Variants in ZNF148 observed in about 807,000 individuals in gnomAD.
ZNF148 encodes the protein Beta-Enolase Repressor Factor-1.
A neutral mutation model predicts 67.7 loss-of-function variants in ZNF148; 7 were observed. The observed-to-expected ratio is 0.10, with a 90% CI of 0.06 to 0.19. The LOEUF is 0.19. ZNF148 is among the 10% of genes least tolerant of loss of function. ZNF148 has a pLI of 1.00. For synonymous variants in ZNF148, 333 were observed against 330.7 expected (o/e 1.01, Z -0.08); for missense variants, 583 against 947.1 (o/e 0.62, Z 5.05).
At chr3:125,234,811 A>ATACTCTAATTTAAT (rs1456573264) in intron 7 of ZNF148, among the ~76,000 whole-genome samples, 28 of 152,162 alleles carry the variant, frequency 1.8e-4, no homozygotes. Flanking sequence ...ATAAAATACA[A>ATACTCTAATTTAAT]AAAGAACTTA....
At chr3:125,358,048 A>G (rs550560444) in intron 1 of ZNF148, among the ~76,000 whole-genome samples, 1 of 152,370 alleles carries the variant, frequency 6.6e-6, no homozygotes, top group East Asian at 1.9e-4. Context: ...GCGGGGACTC[A>G]GGCCTGTAAT....
intron 1 of ZNF148, among the ~76,000 whole-genome samples, chr3:125,361,832 CA>C (rs11383689): frequency 1.9e-4 from 28 of 146,960 alleles, no homozygotes; most frequent in Admixed American, 3.4e-4. Flanking sequence ...GACCCTGTCT[CA>C]AAAAAAAAAA....
chr3:125,344,056 C>A (rs565353000), intron 1 of ZNF148: 7 of 179,348 alleles, frequency 3.9e-5, no homozygotes, highest in Non-Finnish European at 8.2e-5. Flanking sequence ...TTTAACAGTT[C>A]TGTTAAATGC....
At chr3:125,310,015 A>G (rs1004601659) in intron 4 of ZNF148, among the ~76,000 whole-genome samples, 3 of 152,194 alleles carry the variant, frequency 2.0e-5, no homozygotes, top group Non-Finnish European at 4.4e-5. Context: ...TAGCTAGAAA[A>G]TATCTCAAAA....
chr3:125,359,487 C>T (rs1343738796), intron 1 of ZNF148, among the ~76,000 whole-genome samples: 1 of 152,168 alleles, frequency 6.6e-6, no homozygotes, highest in East Asian at 1.9e-4. Context: ...CCCAGCACTT[C>T]AGGATTATTA....
intron 1 of ZNF148, chr3:125,344,520 T>G: frequency 8.8e-7 from 1 of 1,136,046 alleles, no homozygotes; most frequent in Non-Finnish European, 1.3e-6. Flanking sequence ...GGTTACAAAA[T>G]GTGAAGCCAA....
At chr3:125,355,994 C>G (rs559618273) in intron 1 of ZNF148, among the ~76,000 whole-genome samples, 9 of 152,222 alleles carry the variant, frequency 5.9e-5, no homozygotes, top group African/African-American at 1.4e-4. Flanking sequence ...TAAAAGTGCT[C>G]AAGTTACTTA....
intron 2 of ZNF148, among the ~76,000 whole-genome samples, chr3:125,329,226 A>C (rs1237448658): frequency 6.7e-6 from 1 of 148,946 alleles, no homozygotes; most frequent in Non-Finnish European, 1.5e-5. Context: ...CTGTAGTATA[A>C]ATATATGTAT....
intron 1 of ZNF148, among the ~76,000 whole-genome samples, chr3:125,334,593 C>T (rs982513105): frequency 5.9e-5 from 9 of 152,098 alleles, no homozygotes; most frequent in Non-Finnish European, 1.3e-4. Flanking sequence ...TCCTAGGACA[C>T]TACAGGTATT....
In ZNF148 at chr3:125,362,476, C is replaced by CA. The variant is rs1273966276; in HGVS notation, c.-234+12625dup. 1.2e-3 allele frequency among the ~76,000 whole-genome samples: 180 copies of CA among 149,344 alleles called. 3 individuals carry two copies. In the East Asian group the frequency reaches 0.022, roughly 19 times the overall value. ...CTCTGAACTGCTCTCTTGAAGACCA[C>CA]AAAAAAAAACAAAAACTAAAAAATC... On this transcript the variant is annotated intron_variant, in intron 1 of 8. Coordinates refer to ENST00000360647, the MANE Select transcript of ZNF148 (RefSeq NM_021964.3).
intron 1 of ZNF148, among the ~76,000 whole-genome samples, chr3:125,355,001 G>T (rs1041986208): frequency 1.3e-5 from 2 of 152,184 alleles, no homozygotes; most frequent in African/African-American, 4.8e-5. Flanking sequence ...AAGAAGTAGA[G>T]GTAATAAGAG....
Position 125,343,473 on chromosome 3 carries a change from TAA to T in ZNF148, c.-233-12237_-233-12236del, listed in dbSNP as rs57166728. On this transcript the variant is annotated intron_variant, in intron 1 of 8. Transcript: ENST00000360647. ...GTAAAATGCACCAATCAGCGCTCTG[TAA>T]AAACTCACCAATGAGCACTCTGTAG... 6.5e-4 allele frequency among the ~76,000 whole-genome samples: 8 copies of T among 12,326 alleles called. No homozygotes were observed. The South Asian group carries it at 0.011, about 17-fold the overall frequency. The allele number at this position is 12,326 out of a possible 152,430, so 8.1% of individuals were successfully genotyped here.
At chr3:125,360,124 G>T (rs1461803031) in intron 1 of ZNF148, among the ~76,000 whole-genome samples, 1 of 152,110 alleles carries the variant, frequency 6.6e-6, no homozygotes, top group Non-Finnish European at 1.5e-5. Context: ...TTTCTCTGCT[G>T]CAAGCTACTC....
intron 5 of ZNF148, 44 bp from the exon 6 acceptor site, chr3:125,279,291 T>A (rs1298690286): frequency 1.4e-6 from 2 of 1,432,176 alleles, no homozygotes; most frequent in East Asian, 4.8e-5. Flanking sequence ...AATAAGTTTT[T>A]AAAATGTAAT....
intron 5 of ZNF148, among the ~76,000 whole-genome samples, chr3:125,285,160 G>T (rs1344457522): frequency 1.3e-5 from 2 of 152,148 alleles, no homozygotes; most frequent in African/African-American, 4.8e-5. Flanking sequence ...ACAATGGCAA[G>T]ATTTTAAGAT....
At chr3:125,334,012 T>G (rs1019372564) in intron 1 of ZNF148, among the ~76,000 whole-genome samples, 1 of 152,212 alleles carries the variant, frequency 6.6e-6, no homozygotes, top group African/African-American at 2.4e-5. Flanking sequence ...TACACAATAA[T>G]ATACATAAAG....
chr3:125,343,586 T>A (rs919448526), intron 1 of ZNF148, among the ~76,000 whole-genome samples: 1 of 151,756 alleles, frequency 6.6e-6, no homozygotes, highest in African/African-American at 2.4e-5. Flanking sequence ...ATCAGCAGAA[T>A]CCTAAAAGCA....
At chr3:125,247,895 T>C (rs12490924) in intron 7 of ZNF148, among the ~76,000 whole-genome samples, 8 of 152,268 alleles carry the variant, frequency 5.3e-5, no homozygotes, top group Admixed American at 2.6e-4. Flanking sequence ...CTAGGAAGTA[T>C]ACATGAAAAA....
intron 1 of ZNF148, among the ~76,000 whole-genome samples, chr3:125,360,008 T>C (rs1942487402): frequency 6.6e-6 from 1 of 152,224 alleles, no homozygotes; most frequent in African/African-American, 2.4e-5. Flanking sequence ...AAGGGCTCCC[T>C]ACTTCCCAGT....
Sources: gnomAD v4.1 joint callset for allele counts (sites outside exome capture counted in the v4.1 genomes callset) on GRCh38, gnomAD v4.1.1 for gene constraint, MANE v1.5 for transcripts, NCBI Gene and HGNC (gene_info 2026-07-23, HGNC 2026-07-21) for gene names.